The following CGNL1 variants were observed in gnomAD, a reference collection of about 807,000 sequenced individuals.
The protein encoded by CGNL1 is cingulin-like protein 1.
A neutral mutation model predicts 141.2 loss-of-function variants in CGNL1; 132 were observed. The observed-to-expected ratio is 0.93, with a 90% CI of 0.81 to 1.08. The LOEUF (loss-of-function observed/expected upper bound fraction) is 1.08, where lower values mean the gene tolerates loss of function less well. CGNL1 is among the 50% of genes least tolerant of loss of function. The pLI, the probability that CGNL1 is intolerant of heterozygous loss-of-function variation, is 0.00. For synonymous variants in CGNL1, 690 were observed against 622.1 expected (o/e 1.11, Z -1.63); for missense variants, 1,870 against 1,588.6 (o/e 1.18, Z -3.01).
chr15:57,480,007 A>G (rs2063705642), intron 8 of CGNL1, among the ~76,000 whole-genome samples: 1 of 152,226 alleles, frequency 6.6e-6, no homozygotes, highest in Non-Finnish European at 1.5e-5. Flanking sequence ...TTTCTGCTCC[A>G]GGAATTTTGG....
At chr15:57,530,671 C>T (rs1770117675) in intron 13 of CGNL1, among the ~76,000 whole-genome samples, 1 of 152,136 alleles carries the variant, frequency 6.6e-6, no homozygotes, top group South Asian at 2.1e-4. Flanking sequence ...TCCAAGTTGG[C>T]CTTAGAGATG....
chr15:57,410,838 G>T (rs2062778670), intron 1 of CGNL1, among the ~76,000 whole-genome samples: 1 of 152,054 alleles, frequency 6.6e-6, no homozygotes, highest in Non-Finnish European at 1.5e-5. Flanking sequence ...AAAATAAAAT[G>T]CAATCCTTAA....
intron 14 of CGNL1, among the ~76,000 whole-genome samples, chr15:57,539,847 C>A (rs539499784): frequency 6.6e-6 from 1 of 152,170 alleles, no homozygotes; most frequent in African/African-American, 2.4e-5. Context: ...TGGCTTCCAC[C>A]GGCATCGCCC....
chr15:57,379,229 T>A (rs1346597566), intron 1 of CGNL1, among the ~76,000 whole-genome samples: 1 of 152,196 alleles, frequency 6.6e-6, no homozygotes, highest in East Asian at 1.9e-4. Flanking sequence ...ACTGTGAATA[T>A]AATAATACAC....
At position 57,523,560 on chromosome 15, in the gene CGNL1, G is replaced by A. The variant is rs1290862524; in HGVS notation, c.2787G>A (p.Lys929=). 6.2e-7 allele frequency: 1 copy of A among 1,614,198 alleles called. No individual in the cohort carries two copies. The highest frequency in any genetic ancestry group is 2.2e-5 in the East Asian group (1 of 44,888). Residue 929 remains lysine (K), a synonymous_variant, in exon 11 of 19, where the codon AAG becomes AAA. Transcript: ENST00000281282. ...SEKLKEESEQ[K]EQLRRLKNEM... ...AGCTCAAAGAGGAGAGTGAGCAGAA[G>A]GAGCAGCTAAGAAGGTTGAAGAACG...
intron 8 of CGNL1, among the ~76,000 whole-genome samples, chr15:57,467,784 G>A (rs2063528274): frequency 6.6e-6 from 1 of 150,464 alleles, no homozygotes; most frequent in Non-Finnish European, 1.5e-5. Flanking sequence ...CTGCCTCCTG[G>A]GTTCAAATGA....
chr15:57,498,881 G>C (rs1877410832), intron 8 of CGNL1, among the ~76,000 whole-genome samples: 2 of 152,070 alleles, frequency 1.3e-5, no homozygotes, highest in Admixed American at 6.6e-5. Context: ...TGAGGAGGAG[G>C]AGTGTGGTGT....
rs1212554023 is a variant in CGNL1 at position 57,550,698 on chromosome 15, A to G, written c.*3208A>G. On this transcript the variant is annotated 3_prime_UTR_variant, in exon 19 of 19. Transcript: ENST00000281282. ...ATAAAGCAAGATTTCCTTTCAATAA[A>G]CGCTGTCACCCAATGGGAATTTTGA... is the stretch of plus-strand genomic sequence containing the variant. The G allele has an allele frequency of 6.6e-6, 1 of 152,610 alleles. No homozygotes were observed. The highest frequency in any genetic ancestry group is 1.5e-5 in the Non-Finnish European group (1 of 68,036). 9.5% of individuals were successfully genotyped at this position (152,610 alleles called of 1,614,324 possible).
At chr15:57,399,217 A>G (rs766418393) in intron 1 of CGNL1, among the ~76,000 whole-genome samples, 3 of 152,188 alleles carry the variant, frequency 2.0e-5, no homozygotes, top group Non-Finnish European at 4.4e-5. Context: ...TTGAAATCCT[A>G]TCTTCTAGCT....
rs1414689437 is a variant in CGNL1, at chr15:57,404,512, G to A, written c.-16+27945G>A. 1.1e-4 allele frequency among the ~76,000 whole-genome samples: 16 copies of A among 152,166 alleles called. 1 individual carries two copies. The highest frequency in any genetic ancestry group is 7.9e-4 in the Admixed American group (12 of 15,264). On this transcript the variant is annotated intron_variant, in intron 1 of 18. Coordinates refer to ENST00000281282, the MANE Select transcript of CGNL1 (RefSeq NM_032866.5). ...ATTGAAAAATATGGATCCTTGTAGC[G>A]AACATTTTTGCAAAGGGTGCATTTT...
intron 8 of CGNL1, among the ~76,000 whole-genome samples, chr15:57,514,563 G>C (rs1446713880): frequency 6.6e-6 from 1 of 151,846 alleles, no homozygotes; most frequent in East Asian, 1.9e-4. Flanking sequence ...GTTGTCTTTT[G>C]ACTTTCTTGG....
rs77167040 is a variant in CGNL1 at position 57,389,799 on chromosome 15, C to G, written c.-16+13232C>G. Among the ~76,000 whole-genome samples the G allele has an allele frequency of 4.3e-3, 648 of 152,146 alleles. 8 individuals are homozygous for G. The highest frequency in any genetic ancestry group is 0.015 in the African/African-American group (631 of 41,534). On this transcript the variant is annotated intron_variant, in intron 1 of 18. Transcript: ENST00000281282. ...TTAATATTGCCGTGTAACAAGCAAT[C>G]CCAGATCTCAGTTTTTTGTTTTTGT...
chr15:57,392,135 A>G (rs568363870), intron 1 of CGNL1, among the ~76,000 whole-genome samples: 1 of 152,068 alleles, frequency 6.6e-6, no homozygotes, highest in Non-Finnish European at 1.5e-5. Context: ...TTTGTTTTCC[A>G]TTTCATGCCC....
chr15:57,502,669 T>G (rs1416166364), intron 8 of CGNL1, among the ~76,000 whole-genome samples: 1 of 152,190 alleles, frequency 6.6e-6, no homozygotes, highest in Non-Finnish European at 1.5e-5. Flanking sequence ...CATGAGCCTG[T>G]CTTCAGGCAG....
chr15:57,427,642 A>G (rs1249318336), intron 1 of CGNL1, among the ~76,000 whole-genome samples: 1 of 152,232 alleles, frequency 6.6e-6, no homozygotes, highest in Non-Finnish European at 1.5e-5. Context: ...GAAGAAAGAG[A>G]TACTTTGCTG....
chr15:57,416,096 T>C (rs1305929490), intron 1 of CGNL1, among the ~76,000 whole-genome samples: 1 of 152,156 alleles, frequency 6.6e-6, no homozygotes, highest in African/African-American at 2.4e-5. Context: ...CTTCTAGTTC[T>C]TGAGTGTACT....
intron 7 of CGNL1, among the ~76,000 whole-genome samples, chr15:57,457,010 G>A (rs2063387113): frequency 1.3e-5 from 2 of 152,146 alleles, no homozygotes; most frequent in African/African-American, 4.8e-5. Context: ...TTATAAAAAA[G>A]GCAGCCAAAA....
At chr15:57,389,025 TG>T (rs1187222986) in intron 1 of CGNL1, among the ~76,000 whole-genome samples, 2 of 151,456 alleles carry the variant, frequency 1.3e-5, no homozygotes, top group African/African-American at 2.4e-5. Flanking sequence ...TATAGAGAGG[TG>T]TTTTTTTTTT....
intron 10 of CGNL1, among the ~76,000 whole-genome samples, chr15:57,518,931 C>G (rs762880488): frequency 3.3e-5 from 5 of 152,198 alleles, no homozygotes; most frequent in Non-Finnish European, 5.9e-5. Flanking sequence ...GACTGGCCTC[C>G]GAGGCGGTGT....
Sources: gnomAD v4.1 joint callset for allele counts (sites outside exome capture counted in the v4.1 genomes callset) on GRCh38, gnomAD v4.1.1 for gene constraint, MANE v1.5 for transcripts, NCBI Gene and HGNC (gene_info 2026-07-23, HGNC 2026-07-21) for gene names.